AACS: variants seen among roughly 807,000 people sequenced by gnomAD.
AACS encodes the protein acetoacetate-CoA ligase.
AACS carries 69 observed loss-of-function variants against 83.1 expected under a neutral mutation model. That is an observed-to-expected ratio of 0.83 (90% confidence interval 0.68 to 1.01). The LOEUF (loss-of-function observed/expected upper bound fraction) is 1.01, where lower values mean the gene tolerates loss of function less well. AACS is among the 50% of genes least tolerant of loss of function. AACS has a pLI of 0.00. For missense variants in AACS, 866 were observed against 882.2 expected (o/e 0.98, Z 0.23); for synonymous variants, 333 against 343.4 (o/e 0.97, Z 0.33).
At chr12:125,072,434 T>A (rs1594568203) in intron 1 of AACS, among the ~76,000 whole-genome samples, 1 of 152,210 alleles carries the variant, frequency 6.6e-6, no homozygotes, top group East Asian at 1.9e-4. Flanking sequence ...CAAGCTTGAC[T>A]TCACTGATGG....
chr12:125,118,715 C>A lies in AACS; in HGVS notation c.1071C>A (p.Ser357=). Residue 357 remains serine, a synonymous_variant, in exon 10 of 18, where the codon TCC becomes TCA. Transcript: ENST00000316519. ...CGGCCATGGTCTTGTACGATGGCTC[C>A]CCCCTGGTGCCCACGCCCAATGTGC... ...TGAAMVLYDG[S]PLVPTPNVLW... 1 of 1,614,094 alleles carries A rather than the reference C, an allele frequency of 6.2e-7. No homozygotes were observed. Among genetic ancestry groups the A allele is most frequent in the Non-Finnish European group, 8.5e-7 (1 of 1,179,996 alleles).
Position 125,124,715 on chromosome 12 carries a change from C to T in AACS, c.1132C>T (p.Leu378=). ...CCGCCTGCACCCTAGCATCACTGTC[C>T]TGGTAACTGGGGCCAAGTGGCTGTC... is the stretch of plus-strand genomic sequence containing the variant. ...DLVDRIGITV[L]VTGAKWLSVL... is the part of the protein sequence containing the mutation. The change falls in exon 11 of 18, where the codon CTG becomes TTG. Residue 378 remains leucine (L), a synonymous_variant. Coordinates refer to ENST00000316519, the MANE Select transcript of AACS (RefSeq NM_023928.5). 1 of 1,614,044 alleles carries T rather than the reference C, an allele frequency of 6.2e-7. No individual in the cohort carries two copies. The highest frequency in any genetic ancestry group is 1.7e-4 in the Middle Eastern group (1 of 5,924).
Position 125,142,492 on chromosome 12 carries a change from GCA to G in AACS, c.*270_*271del, listed in dbSNP as rs1957516466. 3 of 492,412 alleles carry G rather than the reference GCA, an allele frequency of 6.1e-6. No homozygotes were observed. Among genetic ancestry groups the G allele is most frequent in the Admixed American group, 3.4e-5 (1 of 29,474 alleles). The allele number at this position is 492,412 out of a possible 1,614,324, so 30.5% of individuals were successfully genotyped here. On this transcript the variant is annotated 3_prime_UTR_variant, in exon 18 of 18. Coordinates refer to ENST00000316519, the MANE Select transcript of AACS (RefSeq NM_023928.5). ...CACTGTGGTGAGAGTGTGTGTCTTT[GCA>G]CACACAGTGCAGCGGGAACGGTGGG...
chr12:125,122,661 G>T (rs1469491224), intron 10 of AACS: 2 of 125,544 alleles, frequency 1.6e-5, no homozygotes, highest in Admixed American at 1.6e-4. Flanking sequence ...AAAAAAAAAA[G>T]GCAGTGTAGC....
intron 9 of AACS, among the ~76,000 whole-genome samples, chr12:125,115,214 T>C (rs927120170): frequency 4.6e-5 from 7 of 151,644 alleles, no homozygotes; most frequent in Non-Finnish European, 1.5e-5. Context: ...ATCAAGAGCT[T>C]CCACAGTGAT....
chr12:125,132,592 T>C (rs1957343918), intron 14 of AACS, among the ~76,000 whole-genome samples: 1 of 152,260 alleles, frequency 6.6e-6, no homozygotes, highest in South Asian at 2.1e-4. Context: ...TTTTTTTTCC[T>C]TATTTGTGTA....
rs1380658630 is a variant in AACS at position 125,140,680 on chromosome 12, C to T, written c.1882-1412C>T. The T allele has an allele frequency of 2.0e-5, 3 of 151,892 alleles. No individual in the cohort carries two copies. The highest frequency in any genetic ancestry group is 4.4e-5 in the Non-Finnish European group (3 of 67,998). The allele number at this position is 151,892 out of a possible 1,614,324, so 9.4% of individuals were successfully genotyped here. On this transcript the variant is annotated intron_variant, in intron 17 of 17. Coordinates refer to ENST00000316519, the MANE Select transcript of AACS (RefSeq NM_023928.5). This position sits in a 1 kb window ranked among gnomAD's most constrained non-coding sequence, Gnocchi z 5.1. ...CTGTTGCTCCTGAAGTTTCCTAGCC[C>T]ACAACACACCAACACTGCCAAGGGC...
intron 13 of AACS, 38 bp downstream of exon 13, chr12:125,128,312 C>T (rs1471239793): frequency 3.2e-5 from 50 of 1,573,356 alleles, no homozygotes; most frequent in Non-Finnish European, 4.1e-5. Context: ...TGTGATTAGG[C>T]GTGAGTTGGG....
chr12:125,131,663 G>A (rs1957330514), intron 14 of AACS, among the ~76,000 whole-genome samples: 2 of 151,372 alleles, frequency 1.3e-5, no homozygotes, highest in South Asian at 4.2e-4. Flanking sequence ...ACGGTATCTC[G>A]CTCTGTTGCC....
intron 8 of AACS, among the ~76,000 whole-genome samples, chr12:125,112,254 G>A (rs1956968520): frequency 6.6e-6 from 1 of 152,206 alleles, no homozygotes; most frequent in Admixed American, 6.5e-5. Flanking sequence ...AAGGGAAGGG[G>A]AGGCTGTCTC....
intron 10 of AACS, chr12:125,123,786 T>TGGGCCGACTGAGTTTACATGTGAA (rs1359479507): frequency 2.0e-5 from 3 of 152,232 alleles, no homozygotes; most frequent in Non-Finnish European, 2.9e-5. Context: ...GTTCTTTAGT[T>TGGGCCGACTGAGTTTACATGTGAA]GGGCCGACTG....
At chr12:125,103,501 G>A (rs777933774) in intron 7 of AACS, among the ~76,000 whole-genome samples, 5 of 152,176 alleles carry the variant, frequency 3.3e-5, no homozygotes, top group Admixed American at 6.5e-5. Flanking sequence ...ATTTACACAC[G>A]TGCATACGTG....
intron 4 of AACS, 175 bp from the exon 5 acceptor site, chr12:125,091,251 T>G: frequency 1.6e-6 from 1 of 634,576 alleles, no homozygotes; most frequent in Non-Finnish European, 2.8e-6. Context: ...TGGTGGGGAG[T>G]TGACAGGCTG....
intron 16 of AACS, 138 bp downstream of exon 16, chr12:125,134,990 C>T (rs1957382126): frequency 1.0e-6 from 1 of 998,422 alleles, no homozygotes; most frequent in Non-Finnish European, 1.5e-6. Context: ...GTGAGCCTGA[C>T]CTCCTTTCCA....
rs1232393004 is a variant in AACS, at chr12:125,140,602, C to T, written c.1882-1490C>T. On this transcript the variant is annotated intron_variant, in intron 17 of 17. Coordinates refer to ENST00000316519, the MANE Select transcript of AACS (RefSeq NM_023928.5). This position sits in a 1 kb window ranked among gnomAD's most constrained non-coding sequence, Gnocchi z 5.1. ...TCAAGTGAATGAATTTTAATTACAT[C>T]TCAGGTTAAAAAAAAAAAAAGGCGC... The T allele has an allele frequency of 6.6e-6, 1 of 151,122 alleles. No individual in the cohort carries two copies. Among genetic ancestry groups the T allele is most frequent in the Non-Finnish European group, 1.5e-5 (1 of 67,902 alleles). The allele number at this position is 151,122 out of a possible 1,614,324, so 9.4% of individuals were successfully genotyped here. A position where few individuals can be genotyped will look rare whatever the true frequency, so the allele number is the denominator to read the frequency against.
intron 1 of AACS, among the ~76,000 whole-genome samples, chr12:125,068,882 C>T (rs1187970402): frequency 6.6e-6 from 1 of 150,706 alleles, no homozygotes; most frequent in Non-Finnish European, 1.5e-5. Context: ...CTCTGTCACC[C>T]AGGCTGGAGT....
chr12:125,069,918 A>G (rs117143376), intron 1 of AACS, among the ~76,000 whole-genome samples: 1 of 152,206 alleles, frequency 6.6e-6, no homozygotes, highest in East Asian at 1.9e-4. Flanking sequence ...TGAGTACTGC[A>G]CTGTTGTATG....
chr12:125,108,677 T>A (rs1162172479), intron 8 of AACS, among the ~76,000 whole-genome samples: 2 of 149,016 alleles, frequency 1.3e-5, no homozygotes, highest in African/African-American at 5.1e-5. Context: ...TTTTATTTTA[T>A]TTTTTTTTGA....
In AACS at chr12:125,128,169, G is replaced by A. The variant is rs1022690870; in HGVS notation, c.1318G>A (p.Asp440Asn). The A allele has an allele frequency of 1.9e-5, 31 of 1,609,102 alleles. No individual in the cohort carries two copies. The highest frequency in any genetic ancestry group is 2.3e-5 in the Non-Finnish European group (27 of 1,176,608). ...ILLGSISGGT[D>N]IISCFMGHNF... ...TTTGCCATTGCTTGCAGGAGGCACC[G>A]ACATCATCTCCTGCTTCATGGGCCA... is the stretch of plus-strand genomic sequence containing the variant. The change falls in exon 13 of 18, where the codon GAC becomes AAC. Residue 440 changes from aspartate (D) to asparagine (N), a missense_variant. Coordinates refer to ENST00000316519, the MANE Select transcript of AACS (RefSeq NM_023928.5).
Sources: allele counts gnomAD v4.1 joint callset (sites outside exome capture counted in the v4.1 genomes callset), GRCh38; gene constraint gnomAD v4.1.1; non-coding constraint Gnocchi (gnomAD v3.1); transcripts MANE v1.5; gene names NCBI Gene and HGNC (gene_info 2026-07-23, HGNC 2026-07-21).